ECT2: variants seen among roughly 807,000 people sequenced by gnomAD.
ECT2 encodes the protein epithelial cell transforming 2.
A neutral mutation model predicts 116.9 loss-of-function variants in ECT2; 61 were observed. That is an observed-to-expected ratio of 0.52 (90% CI 0.42 to 0.65). The LOEUF is 0.65. Among genes scored for constraint, ECT2 ranks in the 30% least tolerant of loss-of-function variants. The pLI, the probability that ECT2 is intolerant of heterozygous loss-of-function variation, is 0.00. For missense variants in ECT2, 937 were observed against 1,078.7 expected (o/e 0.87, Z 1.84); for synonymous variants, 358 against 346.4 (o/e 1.03, Z -0.37).
chr3:172,763,944 C>T (rs1379142605), intron 11 of ECT2, among the ~76,000 whole-genome samples: 16 of 152,200 alleles, frequency 1.1e-4, no homozygotes, highest in Admixed American at 1.0e-3. Flanking sequence ...TGTCCAGGCA[C>T]TGTGCTAGGG....
chr3:172,755,226 G>T, intron 2 of ECT2, 69 bp from the exon 3 acceptor site: 2 of 1,225,096 alleles, frequency 1.6e-6, no homozygotes, highest in South Asian at 1.5e-5. Context: ...ATAGCCAAAA[G>T]AGCGATAAGG....
At chr3:172,796,194 G>T (rs2108903891) in intron 18 of ECT2, among the ~76,000 whole-genome samples, 1 of 152,298 alleles carries the variant, frequency 6.6e-6, no homozygotes, top group East Asian at 1.9e-4. Flanking sequence ...TTGAGAAAAT[G>T]ATGAAAGATC....
chr3:172,789,224 T>G (rs1724186179), intron 18 of ECT2, among the ~76,000 whole-genome samples: 1 of 149,510 alleles, frequency 6.7e-6, no homozygotes, highest in South Asian at 2.1e-4. Flanking sequence ...TTTTTTGTTT[T>G]TTTTTTTTTT....
chr3:172,808,141 C>T (rs969710579), intron 22 of ECT2, among the ~76,000 whole-genome samples: 1 of 151,840 alleles, frequency 6.6e-6, no homozygotes, highest in Non-Finnish European at 1.5e-5. Context: ...TAAGGTAGGC[C>T]CTCATAGTCT....
In ECT2 at chr3:172,764,143, C is replaced by G. The variant is rs187713003; in HGVS notation, c.1069-135C>G. ...TATGTTTTATGAAACTTTTGAATTG[C>G]CTGGTAGAGTGTAGGGTTATAAAAT... On this transcript the variant is annotated intron_variant, in intron 11 of 24. Coordinates refer to ENST00000392692, the MANE Select transcript of ECT2 (RefSeq NM_001258315.2). 126 of 733,918 alleles carry G rather than the reference C, an allele frequency of 1.7e-4. No individual in the cohort carries two copies. The African/African-American group carries it at 2.0e-3, about 12-fold the overall frequency. 45.5% of individuals were successfully genotyped at this position (733,918 alleles called of 1,614,324 possible).
intron 6 of ECT2, among the ~76,000 whole-genome samples, chr3:172,759,848 A>T (rs188247332): frequency 2.8e-4 from 42 of 152,222 alleles, no homozygotes; most frequent in East Asian, 7.7e-4. Context: ...GTATTTTTTT[A>T]AAAAAACCAA....
chr3:172,777,299 A>C (rs753982610), intron 14 of ECT2, among the ~76,000 whole-genome samples: 1 of 152,066 alleles, frequency 6.6e-6, no homozygotes, highest in Non-Finnish European at 1.5e-5. Flanking sequence ...TAGTGTTAAA[A>C]CTTTTTTTTA....
chr3:172,803,154 T>A (rs1462433759), intron 20 of ECT2, among the ~76,000 whole-genome samples, 174 bp downstream of exon 20: 4 of 152,208 alleles, frequency 2.6e-5, no homozygotes, highest in African/African-American at 9.6e-5. Context: ...AGAATGCTTT[T>A]AGAGGAAGGT....
intron 8 of ECT2, 63 bp downstream of exon 8, chr3:172,761,746 C>T: frequency 8.4e-7 from 1 of 1,196,902 alleles, no homozygotes; most frequent in Non-Finnish European, 1.2e-6. Context: ...AAAGATAAAT[C>T]CATGTGCTGA....
Position 172,796,274 on chromosome 3 carries a change from G to A in ECT2, c.1908-6342G>A, listed in dbSNP as rs1384340376. 2.6e-5 allele frequency among the ~76,000 whole-genome samples: 4 copies of A among 152,174 alleles called. No homozygotes were observed. The East Asian group carries it at 7.7e-4, about 29-fold the overall frequency. On this transcript the variant is annotated intron_variant, in intron 18 of 24. Transcript: ENST00000392692. ...AAGGTTTATGTGTGATCAGGTTGAT[G>A]GGGTTGGAAAGGATTTCTTTGTAAG...
chr3:172,756,160 A>G (rs1348773177), intron 4 of ECT2, among the ~76,000 whole-genome samples: 1 of 152,162 alleles, frequency 6.6e-6, no homozygotes, highest in Non-Finnish European at 1.5e-5. Flanking sequence ...CGCCAAATAT[A>G]GTCACACTCT....
At chr3:172,797,527 A>G (rs1031117105) in intron 18 of ECT2, among the ~76,000 whole-genome samples, 2 of 152,156 alleles carry the variant, frequency 1.3e-5, no homozygotes, top group Non-Finnish European at 2.9e-5. Flanking sequence ...TTCATCTTGA[A>G]GGCCTTAATT....
chr3:172,776,608 C>T (rs1721785202), intron 14 of ECT2, among the ~76,000 whole-genome samples: 2 of 152,124 alleles, frequency 1.3e-5, no homozygotes, highest in Non-Finnish European at 2.9e-5. Flanking sequence ...CAGAGGCAGT[C>T]ATCTAATAAA....
intron 7 of ECT2, among the ~76,000 whole-genome samples, chr3:172,761,220 T>C (rs2108293866): frequency 6.6e-6 from 1 of 152,344 alleles, no homozygotes; most frequent in Middle Eastern, 3.4e-3. Flanking sequence ...GTAATTTTAG[T>C]GTACTCTTCA....
At chr3:172,826,759 A>G in the ECT2 span, among the ~76,000 whole-genome samples, 2 of 152,200 alleles carry the variant, frequency 1.3e-5, no homozygotes, top group Non-Finnish European at 2.9e-5. Flanking sequence ...GCAGCCATCA[A>G]CATTGAGGTA....
At chr3:172,781,785 CTGA>C (rs1722739583) in intron 14 of ECT2, among the ~76,000 whole-genome samples, 2 of 152,016 alleles carry the variant, frequency 1.3e-5, no homozygotes, top group African/African-American at 4.8e-5. Flanking sequence ...TTTTTAATGA[CTGA>C]TGTTAAATAA....
At chr3:172,789,135 C>T (rs1490271315) in intron 18 of ECT2, among the ~76,000 whole-genome samples, 1 of 150,948 alleles carries the variant, frequency 6.6e-6, no homozygotes, top group Non-Finnish European at 1.5e-5. Flanking sequence ...GGGATCTTGC[C>T]TTGATGTTGA....
intron 18 of ECT2, among the ~76,000 whole-genome samples, chr3:172,791,430 T>C (rs1384958444): frequency 4.6e-5 from 7 of 152,230 alleles, no homozygotes; most frequent in African/African-American, 1.7e-4. Context: ...GGCTGTTTTG[T>C]CTACACTGAA....
At position 172,802,856 on chromosome 3, in the gene ECT2, T is replaced by C; in HGVS notation, c.1987-5T>C. 1 of 1,609,876 alleles carries C rather than the reference T, an allele frequency of 6.2e-7. No individual in the cohort carries two copies. The highest frequency in any genetic ancestry group is 1.1e-5 in the South Asian group (1 of 89,952). ...TCTCTTTTGTTATATTTTCAACCTA[T>C]ACAGGCTAATCTTTTATCTTCTCAC... On this transcript the variant is annotated splice_polypyrimidine_tract_variant and splice_region_variant and intron_variant, in intron 19 of 24. Transcript: ENST00000392692.
Sources: allele counts gnomAD v4.1 joint callset (sites outside exome capture counted in the v4.1 genomes callset), GRCh38; gene constraint gnomAD v4.1.1; transcripts MANE v1.5; gene names NCBI Gene and HGNC (gene_info 2026-07-23, HGNC 2026-07-21).